Variants in CNTNAP5 observed in about 807,000 individuals in gnomAD.
The protein encoded by CNTNAP5 is contactin-associated protein-like 5.
CNTNAP5 carries 72 observed loss-of-function variants against 150.2 expected under a neutral mutation model. The ratio of observed to expected loss-of-function variants is 0.48; its 90% CI spans 0.40 to 0.58. The LOEUF is 0.58. Ranked by LOEUF, CNTNAP5 falls within the 20% of genes least tolerant of loss-of-function variation. CNTNAP5 has a pLI of 0.00. For synonymous variants in CNTNAP5, 672 were observed against 619.8 expected, an observed-to-expected ratio of 1.08 and a Z score of -1.25; for missense variants, 1,636 against 1,626.2, an observed-to-expected ratio of 1.01 and a Z score of -0.10.
At chr2:124,418,630 T>C (rs1691992591) in intron 4 of CNTNAP5, among the ~76,000 whole-genome samples, 1 of 152,208 alleles carries the variant, frequency 6.6e-6, no homozygotes, top group African/African-American at 2.4e-5. Flanking sequence ...GTATTTATCT[T>C]GAACAAGCAC....
intron 1 of CNTNAP5, among the ~76,000 whole-genome samples, chr2:124,214,011 CAG>C (rs557902385): frequency 1.9e-3 from 286 of 152,258 alleles, no homozygotes; most frequent in African/African-American, 6.5e-3. Context: ...AGGTTTTGTG[CAG>C]AGTCACTTTG....
rs556701850 is a variant in CNTNAP5, at chr2:124,775,378, G to C, written c.2752+2361G>C. On this transcript the variant is annotated intron_variant, in intron 17 of 23. Coordinates refer to ENST00000682447, the MANE Select transcript of CNTNAP5 (RefSeq NM_001367498.1). ...TATTTATATTTGCTAGGGAGGAAAA[G>C]ATATCATTGGCGTGTGCTTCTTTAC... Among the ~76,000 whole-genome samples the C allele has an allele frequency of 6.2e-4, 95 of 152,276 alleles. 1 individual carries two copies. The highest frequency in any genetic ancestry group is 6.2e-3 in the Admixed American group (94 of 15,284).
intron 6 of CNTNAP5, among the ~76,000 whole-genome samples, chr2:124,459,349 C>G (rs781763527): frequency 4.3e-4 from 66 of 152,168 alleles, no homozygotes; most frequent in Non-Finnish European, 6.8e-4. Context: ...CTGTGGGAGG[C>G]CACCATGTTT....
intron 1 of CNTNAP5, among the ~76,000 whole-genome samples, chr2:124,040,580 A>G (rs1389641276): frequency 6.8e-6 from 1 of 146,574 alleles, no homozygotes; most frequent in Admixed American, 6.9e-5. Flanking sequence ...AATATGTTCA[A>G]TTCTGTGTGC....
At chr2:124,908,097 A>G (rs996549362) in intron 22 of CNTNAP5, among the ~76,000 whole-genome samples, 3 of 151,916 alleles carry the variant, frequency 2.0e-5, no homozygotes, top group East Asian at 1.9e-4. Flanking sequence ...ATGAGGCTGG[A>G]TGCAGTGGCT....
chr2:124,669,087 T>G (rs1320769859), intron 13 of CNTNAP5, among the ~76,000 whole-genome samples: 3 of 152,216 alleles, frequency 2.0e-5, no homozygotes, highest in African/African-American at 7.2e-5. Context: ...TTCTTTCTGC[T>G]CCCTTTTTAT....
chr2:124,376,995 T>C (rs1690664693), intron 3 of CNTNAP5, among the ~76,000 whole-genome samples: 2 of 152,104 alleles, frequency 1.3e-5, no homozygotes, highest in Admixed American at 1.3e-4. Flanking sequence ...GCCTGTGTCT[T>C]GTGTTTGAAT....
At chr2:124,226,964 GA>G (rs1431752115) in intron 2 of CNTNAP5, among the ~76,000 whole-genome samples, 1 of 151,984 alleles carries the variant, frequency 6.6e-6, no homozygotes, top group Non-Finnish European at 1.5e-5. Context: ...TTAGTAAATG[GA>G]TTAATCTATT....
At chr2:124,492,261 G>A (rs748021050) in intron 7 of CNTNAP5, among the ~76,000 whole-genome samples, 1 of 152,130 alleles carries the variant, frequency 6.6e-6, no homozygotes, top group African/African-American at 2.4e-5. Flanking sequence ...TTATATTTAA[G>A]TCTGTAATAC....
chr2:124,316,218 T>C (rs755039883), intron 3 of CNTNAP5, among the ~76,000 whole-genome samples: 8 of 152,136 alleles, frequency 5.3e-5, no homozygotes, highest in Non-Finnish European at 8.8e-5. Flanking sequence ...GACCACACTT[T>C]CCTGGAAAGG....
chr2:124,888,902 C>G (rs1031804630), intron 21 of CNTNAP5, among the ~76,000 whole-genome samples: 1 of 151,738 alleles, frequency 6.6e-6, no homozygotes, highest in Non-Finnish European at 1.5e-5. Flanking sequence ...TGTCTATTTA[C>G]CCTGTTGATT....
chr2:124,146,718 AGTT>A (rs1196949141), intron 1 of CNTNAP5, among the ~76,000 whole-genome samples: 1 of 152,210 alleles, frequency 6.6e-6, no homozygotes, highest in East Asian at 1.9e-4. Context: ...TATTAATAGT[AGTT>A]ATGTTTATTA....
At chr2:124,308,054 C>T (rs17011394) in intron 3 of CNTNAP5, among the ~76,000 whole-genome samples, 30,197 of 152,124 alleles carry the variant, frequency 0.2, 3,131 homozygotes, top group East Asian at 0.34. Context: ...AGATCCTACA[C>T]TTGGCTATAA....
chr2:124,071,575 G>C (rs1462006375), intron 1 of CNTNAP5, among the ~76,000 whole-genome samples: 1 of 151,846 alleles, frequency 6.6e-6, no homozygotes, highest in South Asian at 2.1e-4. Flanking sequence ...TGAGCATTAT[G>C]AGTGACTATA....
chr2:124,701,388 T>A (rs1679517866), intron 13 of CNTNAP5, among the ~76,000 whole-genome samples: 1 of 152,124 alleles, frequency 6.6e-6, no homozygotes, highest in Non-Finnish European at 1.5e-5. Flanking sequence ...AATATTCCAT[T>A]GTATATATGT....
intron 3 of CNTNAP5, among the ~76,000 whole-genome samples, chr2:124,303,203 C>A (rs1472372672): frequency 6.6e-6 from 1 of 152,060 alleles, no homozygotes; most frequent in Non-Finnish European, 1.5e-5. Context: ...TCATTACCAG[C>A]ATATGGGGAG....
At chr2:124,146,067 T>C (rs1198483024) in intron 1 of CNTNAP5, among the ~76,000 whole-genome samples, 1 of 152,054 alleles carries the variant, frequency 6.6e-6, no homozygotes, top group African/African-American at 2.4e-5. Flanking sequence ...TTAAAGCAGA[T>C]AGGACAAAGG....
intron 10 of CNTNAP5, among the ~76,000 whole-genome samples, chr2:124,560,758 G>A (rs185461207): frequency 4.1e-4 from 62 of 152,132 alleles, no homozygotes; most frequent in African/African-American, 1.4e-3. Flanking sequence ...AAGTCTCAAG[G>A]ACAGCAGGGA....
chr2:124,123,624 C>G (rs971393950), intron 1 of CNTNAP5, among the ~76,000 whole-genome samples: 3 of 152,142 alleles, frequency 2.0e-5, no homozygotes, highest in Non-Finnish European at 2.9e-5. Flanking sequence ...GTCCCTGACC[C>G]CCGAGTAGCC....
Sources: allele counts gnomAD v4.1 joint callset (sites outside exome capture counted in the v4.1 genomes callset), GRCh38; gene constraint gnomAD v4.1.1; transcripts MANE v1.5; gene names NCBI Gene and HGNC (gene_info 2026-07-23, HGNC 2026-07-21).